The following CDH20 variants were observed in gnomAD, a reference collection of about 807,000 sequenced individuals.
The protein encoded by CDH20 is cadherin 20, also known as cadherin-20.
CDH20 carries 29 observed loss-of-function variants against 74.2 expected under a neutral mutation model. That is an observed-to-expected ratio of 0.39 (90% CI 0.29 to 0.53). The LOEUF (loss-of-function observed/expected upper bound fraction) is 0.53, where lower values mean the gene tolerates loss of function less well. Among genes scored for constraint, CDH20 ranks in the 20% least tolerant of loss-of-function variants. The pLI is 0.69. For missense variants in CDH20, 988 were observed against 1,048.3 expected (o/e 0.94, Z 0.79); for synonymous variants, 469 against 405.4 (o/e 1.16, Z -1.88).
At chr18:61,484,577 T>C (rs998545130) in intron 1 of CDH20, among the ~76,000 whole-genome samples, 4 of 152,120 alleles carry the variant, frequency 2.6e-5, no homozygotes, top group African/African-American at 9.7e-5. Context: ...AAAGTGAAAA[T>C]GCCTTTATTT....
At chr18:61,404,570 A>C (rs1320529253) in intron 1 of CDH20, among the ~76,000 whole-genome samples, 5 of 152,136 alleles carry the variant, frequency 3.3e-5, no homozygotes, top group African/African-American at 7.2e-5. Flanking sequence ...TGCTGCATGA[A>C]ATCTTGGTTC....
intron 1 of CDH20, among the ~76,000 whole-genome samples, chr18:61,460,699 A>T (rs1415885554): frequency 6.6e-6 from 1 of 152,142 alleles, no homozygotes; most frequent in Non-Finnish European, 1.5e-5. Context: ...TCTCAAAATA[A>T]ATTTGAGACT....
At chr18:61,464,728 A>G (rs1174089952) in intron 1 of CDH20, among the ~76,000 whole-genome samples, 1 of 152,206 alleles carries the variant, frequency 6.6e-6, no homozygotes, top group Non-Finnish European at 1.5e-5. Context: ...GAAAGCAACC[A>G]CACCCATTTA....
intron 11 of CDH20, 25 bp downstream of exon 11, chr18:61,550,254 C>T: frequency 1.2e-6 from 2 of 1,602,670 alleles, no homozygotes; most frequent in South Asian, 1.1e-5. Flanking sequence ...GCTTTCCCTT[C>T]TGTGGAGTCC....
chr18:61,483,669 AG>A (rs1298079093), intron 1 of CDH20, among the ~76,000 whole-genome samples: 2 of 152,336 alleles, frequency 1.3e-5, no homozygotes, highest in East Asian at 3.9e-4. Context: ...TCCTTGAAGG[AG>A]GAAAAGGAAA....
At position 61,353,791 on chromosome 18, in the gene CDH20, T is replaced by G. The variant is rs1316192955; in HGVS notation, c.-153+19964T>G. Among the ~76,000 whole-genome samples the G allele has an allele frequency of 6.6e-6, 1 of 152,086 alleles. No individual in the cohort carries two copies. ...TGTTAATAAAAGTTAAAAAAAATCTTTCAGTTCCAGCCAGTCATGGTGGCT... is the reference window on the plus strand; with the variant it reads ...TGTTAATAAAAGTTAAAAAAAATCTGTCAGTTCCAGCCAGTCATGGTGGCT... On this transcript the variant is annotated intron_variant, in intron 1 of 11. Coordinates refer to ENST00000262717, the MANE Select transcript of CDH20 (RefSeq NM_031891.4). The surrounding 1 kb of genome is among the most constrained non-coding windows in gnomAD (Gnocchi z 4.6).
At position 61,333,682 on chromosome 18, in the gene CDH20, T is replaced by TG. The variant is rs1400231043; in HGVS notation, c.-292dup. On this transcript the variant is annotated 5_prime_UTR_variant, in exon 1 of 12. Coordinates refer to ENST00000262717, the MANE Select transcript of CDH20 (RefSeq NM_031891.4). ...ACTTCTGACAGAGGGGGTAGGGGGG[T>TG]GGGGGGCGGGGACAGCGCCGCGAGC... The TG allele has an allele frequency of 2.4e-4, 2 of 8,304 alleles. No homozygotes were observed. The highest frequency in any genetic ancestry group is 1.0e-3 in the African/African-American group (2 of 1,968). 0.5% of individuals were successfully genotyped at this position (8,304 alleles called of 1,614,324 possible). A position where few individuals can be genotyped will look rare whatever the true frequency, so the allele number is the denominator to read the frequency against.
In CDH20 at chr18:61,539,076, G is replaced by C; in HGVS notation, c.1461G>C (p.Val487=). The C allele has an allele frequency of 7.4e-6, 12 of 1,614,000 alleles. No homozygotes were observed. Among genetic ancestry groups the C allele is most frequent in the Non-Finnish European group, 1.0e-5 (12 of 1,179,936 alleles). ...CTGTCACAATCAAAGTCTTAGATGTGAATGACAATGCTCCAGAGTTCCCCA... is the reference window on the plus strand; with the variant it reads ...CTGTCACAATCAAAGTCTTAGATGTCAATGACAATGCTCCAGAGTTCCCCA... ...SVPVTIKVLD[V]NDNAPEFPRF... Residue 487 remains valine (V), a synonymous_variant, in exon 9 of 12, where the codon GTG becomes GTC. Coordinates refer to ENST00000262717, the MANE Select transcript of CDH20 (RefSeq NM_031891.4).
chr18:61,480,890 C>T lies in CDH20; in HGVS notation c.-152-9512C>T, dbSNP rs1192360170. 3.3e-5 allele frequency among the ~76,000 whole-genome samples: 5 copies of T among 152,326 alleles called. No individual in the cohort carries two copies. The South Asian group carries it at 6.2e-4, about 19-fold the overall frequency. On this transcript the variant is annotated intron_variant, in intron 1 of 11. Coordinates refer to ENST00000262717, the MANE Select transcript of CDH20 (RefSeq NM_031891.4). ...AAAAAGCATTTGTGAAAACTCACTG[C>T]TTTCTTGACTTTTGTTGACTTTGTA... is the stretch of plus-strand genomic sequence containing the variant.
chr18:61,507,596 G>GTGC, intron 6 of CDH20, 36 bp downstream of exon 6: 1 of 1,482,148 alleles, frequency 6.7e-7, no homozygotes, highest in Non-Finnish European at 9.3e-7. Context: ...ACTTTCATGG[G>GTGC]TGCTTTGAAT....
Position 61,555,200 on chromosome 18 carries a change from C to T in CDH20, c.*505C>T, listed in dbSNP as rs1244751122. The T allele has an allele frequency of 2.0e-6, 2 of 981,166 alleles. No individual in the cohort carries two copies. The highest frequency in any genetic ancestry group is 2.4e-6 in the Non-Finnish European group (2 of 830,654). 60.8% of individuals were successfully genotyped at this position (981,166 alleles called of 1,614,324 possible). On this transcript the variant is annotated 3_prime_UTR_variant, in exon 12 of 12. Coordinates refer to ENST00000262717, the MANE Select transcript of CDH20 (RefSeq NM_031891.4). ...AAACTTGTTACTCAGTGAAATTAACCTACTTGTTCTGGGATGGATGGAATT... is the reference window on the plus strand; with the variant it reads ...AAACTTGTTACTCAGTGAAATTAACTTACTTGTTCTGGGATGGATGGAATT...
intron 1 of CDH20, among the ~76,000 whole-genome samples, chr18:61,336,714 TA>T (rs1383330961): frequency 3.3e-5 from 5 of 151,662 alleles, no homozygotes; most frequent in Admixed American, 2.6e-4. Flanking sequence ...ATTTTGGACT[TA>T]AAATGGGGTT....
chr18:61,382,686 A>T (rs1344205824), intron 1 of CDH20, among the ~76,000 whole-genome samples: 4 of 152,208 alleles, frequency 2.6e-5, no homozygotes, highest in Non-Finnish European at 5.9e-5. Flanking sequence ...AATTCTAATA[A>T]GTTTTATTCT....
At position 61,495,912 on chromosome 18, in the gene CDH20, T is replaced by A. The variant is rs929277456; in HGVS notation, c.247-3274T>A. On this transcript the variant is annotated intron_variant, in intron 2 of 11. Transcript: ENST00000262717. ...CAGAAACCACCTCTGTGTAAGTAGA[T>A]CCTGACATGCTTCAAAGCTGAGATG... is the stretch of plus-strand genomic sequence containing the variant. Among the ~76,000 whole-genome samples, 3 of 152,122 alleles carry A rather than the reference T, an allele frequency of 2.0e-5. No individual in the cohort carries two copies. In the East Asian group the frequency reaches 5.8e-4, roughly 30 times the overall value.
chr18:61,420,569 G>T (rs1379642413), intron 1 of CDH20, among the ~76,000 whole-genome samples: 1 of 152,112 alleles, frequency 6.6e-6, no homozygotes, highest in Non-Finnish European at 1.5e-5. Context: ...TTCATTTCCT[G>T]ATTTGTTTAT....
chr18:61,485,729 T>A (rs1238632217), intron 1 of CDH20, among the ~76,000 whole-genome samples: 1 of 152,068 alleles, frequency 6.6e-6, no homozygotes, highest in Non-Finnish European at 1.5e-5. Flanking sequence ...CAGCTCAATG[T>A]CATAGTGCTA....
chr18:61,488,600 C>A (rs557229060), intron 1 of CDH20, among the ~76,000 whole-genome samples: 1 of 152,274 alleles, frequency 6.6e-6, no homozygotes, highest in African/African-American at 2.4e-5. Flanking sequence ...AACCAGTAAC[C>A]AAACTGTCTC....
intron 1 of CDH20, among the ~76,000 whole-genome samples, chr18:61,481,567 T>C (rs1398562980): frequency 6.6e-6 from 1 of 152,160 alleles, no homozygotes; most frequent in African/African-American, 2.4e-5. Flanking sequence ...TAAACATCAG[T>C]GAGATTTTTG....
chr18:61,392,315 T>C (rs1173213314), intron 1 of CDH20, among the ~76,000 whole-genome samples: 2 of 152,198 alleles, frequency 1.3e-5, no homozygotes, highest in African/African-American at 2.4e-5. Context: ...ACAGATGTCA[T>C]GTCCTCAGGG....
Sources: allele counts gnomAD v4.1 joint callset (sites outside exome capture counted in the v4.1 genomes callset), GRCh38; gene constraint gnomAD v4.1.1; non-coding constraint Gnocchi (gnomAD v3.1); transcripts MANE v1.5; gene names NCBI Gene and HGNC (gene_info 2026-07-23, HGNC 2026-07-21).